Variants in TNNI3K observed in about 807,000 individuals in gnomAD.
TNNI3K encodes the protein serine/threonine-protein kinase TNNI3K.
TNNI3K carries 140 observed loss-of-function variants against 114.5 expected under a neutral mutation model. The observed-to-expected ratio is 1.22, with a 90% CI of 1.07 to 1.41. The LOEUF is 1.41. TNNI3K is among the 40% of genes most tolerant of loss of function. TNNI3K has a pLI of 0.00. For missense variants in TNNI3K, 1,125 were observed against 1,007.6 expected (o/e 1.12, Z -1.58); for synonymous variants, 347 against 347.5 (o/e 1.00, Z 0.02).
intron 5 of TNNI3K, among the ~76,000 whole-genome samples, chr1:74,307,966 T>A (rs945677206): frequency 6.6e-5 from 10 of 151,576 alleles, no homozygotes; most frequent in African/African-American, 2.4e-4. Context: ...CATGTAAAAA[T>A]ATATATATAA....
intron 6 of TNNI3K, among the ~76,000 whole-genome samples, chr1:74,331,865 T>C (rs1660221935): frequency 2.0e-5 from 3 of 152,148 alleles, no homozygotes; most frequent in Admixed American, 2.0e-4. Context: ...ATCCCTCTGA[T>C]CTTCATTTAT....
chr1:74,316,401 C>A (rs916045607), intron 5 of TNNI3K, among the ~76,000 whole-genome samples: 11 of 152,264 alleles, frequency 7.2e-5, no homozygotes, highest in Admixed American at 5.2e-4. Flanking sequence ...TTATTCAGAA[C>A]AAAAGAACTC....
intron 21 of TNNI3K, chr1:74,483,522 A>G (rs1359967706): frequency 1.1e-5 from 6 of 529,022 alleles, no homozygotes; most frequent in African/African-American, 1.9e-5. Context: ...GTAAATAACT[A>G]CATTCCTTAA....
chr1:74,507,772 G>T (rs1669980370), intron 23 of TNNI3K, among the ~76,000 whole-genome samples: 2 of 152,158 alleles, frequency 1.3e-5, no homozygotes, highest in South Asian at 4.1e-4. Flanking sequence ...ACTATGGCAT[G>T]AGCTACCGTC....
At chr1:74,433,761 G>A (rs1666000359) in intron 17 of TNNI3K, among the ~76,000 whole-genome samples, 1 of 151,970 alleles carries the variant, frequency 6.6e-6, no homozygotes, top group Non-Finnish European at 1.5e-5. Flanking sequence ...TATCAGGTGG[G>A]TCTAATCTTG....
At position 74,485,957 on chromosome 1, in the gene TNNI3K, G is replaced by A. The variant is rs75538457; in HGVS notation, c.2122-3232G>A. The stretch of plus-strand genomic sequence containing the variant: ...AGTGCCTGCTGACTCCTTGATTTCA[G>A]CCTAGTGAAACTCTGAGCAAAGGAC... On this transcript the variant is annotated intron_variant, in intron 21 of 24. Coordinates refer to ENST00000326637, the MANE Select transcript of TNNI3K (RefSeq NM_015978.3). Among the ~76,000 whole-genome samples, 878 of 152,270 alleles carry A rather than the reference G, an allele frequency of 5.8e-3. 4 individuals carry two copies. Among genetic ancestry groups the A allele is most frequent in the African/African-American group, 0.02 (833 of 41,566 alleles).
intron 10 of TNNI3K, among the ~76,000 whole-genome samples, 161 bp from the exon 11 acceptor site, chr1:74,353,819 C>T (rs528252797): frequency 6.6e-6 from 1 of 152,222 alleles, no homozygotes; most frequent in South Asian, 2.1e-4. Context: ...AAAGTGATGT[C>T]TCGTTTGGTC....
chr1:74,396,297 T>C (rs758446733), intron 17 of TNNI3K, among the ~76,000 whole-genome samples: 2 of 152,050 alleles, frequency 1.3e-5, no homozygotes, highest in Non-Finnish European at 2.9e-5. Flanking sequence ...AAGAGAGACA[T>C]TGAGAATTTC....
chr1:74,472,126 C>T (rs760861475), intron 21 of TNNI3K: 63 of 717,046 alleles, frequency 8.8e-5, no homozygotes, highest in East Asian at 2.4e-4. Flanking sequence ...ATTTGTTAAA[C>T]GCTTCTCAAG....
At chr1:74,475,497 GTCTT>G (rs762033551) in intron 21 of TNNI3K, 5 of 716,744 alleles carry the variant, frequency 7.0e-6, no homozygotes, top group Non-Finnish European at 1.3e-5. Flanking sequence ...CTACCCCACG[GTCTT>G]TCTTTTTCAG....
chr1:74,235,541 A>G (rs775949886), intron 1 of TNNI3K, 50 bp downstream of exon 1: 2 of 980,214 alleles, frequency 2.0e-6, no homozygotes, highest in Non-Finnish European at 3.1e-6. Context: ...TGGTTCAATT[A>G]TAGTTACTGA....
intron 17 of TNNI3K, among the ~76,000 whole-genome samples, chr1:74,401,259 G>T (rs1362168526): frequency 6.6e-6 from 1 of 152,112 alleles, no homozygotes; most frequent in East Asian, 1.9e-4. Context: ...TCTAGGTCAT[G>T]CAATTCTGGT....
chr1:74,451,608 T>C (rs1666997801), intron 20 of TNNI3K, among the ~76,000 whole-genome samples: 1 of 150,742 alleles, frequency 6.6e-6, no homozygotes. Flanking sequence ...TTTCTTTTCT[T>C]TCTTTCCTTC....
chr1:74,309,261 G>A (rs1232997233), intron 5 of TNNI3K, among the ~76,000 whole-genome samples: 5 of 146,988 alleles, frequency 3.4e-5, no homozygotes, highest in African/African-American at 1.3e-4. Context: ...CCAGCTACTC[G>A]GGAGGCTGAG....
intron 5 of TNNI3K, among the ~76,000 whole-genome samples, chr1:74,295,985 A>G (rs913845493): frequency 2.0e-5 from 3 of 152,060 alleles, no homozygotes; most frequent in Non-Finnish European, 4.4e-5. Flanking sequence ...TTTACTCATT[A>G]TAAATTTGGG....
chr1:74,471,971 A>G (rs1276739343), intron 21 of TNNI3K: 2 of 622,642 alleles, frequency 3.2e-6, no homozygotes, highest in Non-Finnish European at 2.9e-6. Flanking sequence ...GGATCATCAT[A>G]TTTTGATCTA....
chr1:74,482,944 G>T (rs952132627), intron 21 of TNNI3K, among the ~76,000 whole-genome samples: 1 of 152,150 alleles, frequency 6.6e-6, no homozygotes, highest in Non-Finnish European at 1.5e-5. Flanking sequence ...TGGTGGTAGA[G>T]TTCAAATCTG....
chr1:74,458,208 G>A (rs755019523), intron 20 of TNNI3K, among the ~76,000 whole-genome samples: 12 of 152,128 alleles, frequency 7.9e-5, no homozygotes, highest in South Asian at 2.1e-4. Context: ...TTTGCTCAAT[G>A]TCACATGCTA....
At chr1:74,395,569 G>C (rs1029665450) in intron 17 of TNNI3K, among the ~76,000 whole-genome samples, 6 of 152,184 alleles carry the variant, frequency 3.9e-5, no homozygotes, top group African/African-American at 9.7e-5. Flanking sequence ...GTACTGCCTT[G>C]GTGGTTCAGC....
Sources: allele counts gnomAD v4.1 joint callset (sites outside exome capture counted in the v4.1 genomes callset), GRCh38; gene constraint gnomAD v4.1.1; transcripts MANE v1.5; gene names NCBI Gene and HGNC (gene_info 2026-07-23, HGNC 2026-07-21).